SMARCC2: variants seen among roughly 807,000 people sequenced by gnomAD.
The protein encoded by SMARCC2 is SWI/SNF related BAF chromatin remodeling complex subunit C2.
A neutral mutation model predicts 151.3 loss-of-function variants in SMARCC2; 15 were observed. That is an observed-to-expected ratio of 0.10 (90% CI 0.07 to 0.15). The LOEUF (loss-of-function observed/expected upper bound fraction) is 0.15, where lower values mean the gene tolerates loss of function less well. SMARCC2 is among the 10% of genes least tolerant of loss of function. The pLI, the probability that SMARCC2 is intolerant of heterozygous loss-of-function variation, is 1.00. For synonymous variants in SMARCC2, 590 were observed against 609.5 expected, an observed-to-expected ratio of 0.97 and a Z score of 0.47; for missense variants, 1,031 against 1,599.7, an observed-to-expected ratio of 0.64 and a Z score of 6.06.
chr12:56,165,473 G>A lies in SMARCC2; in HGVS notation c.3077C>T (p.Pro1026Leu), dbSNP rs763895290. ...GLAVAPASVVPAPAGSGAPPG... is the reference protein window; with the variant it reads ...GLAVAPASVVLAPAGSGAPPG... Reference sequence around the variant, plus strand: ...AGGGGCCCCACTGCCAGCAGGAGCAGGGACTACAGAGGCTGGAGCCACAGC... The same window carrying A: ...AGGGGCCCCACTGCCAGCAGGAGCAAGGACTACAGAGGCTGGAGCCACAGC... The change falls in exon 27 of 29, where the codon CCT (proline) becomes CTT (leucine). Residue 1026 changes from proline to leucine, a missense_variant. By Grantham distance (98) the Pro-to-Leu change is moderately conservative (BLOSUM62 -3). Transcript: ENST00000550164. 1.3e-6 allele frequency: 2 copies of A among 1,554,150 alleles called. No homozygotes were observed. Among genetic ancestry groups the A allele is most frequent in the East Asian group, 4.5e-5 (2 of 44,136 alleles).
rs1250166795 is a variant in SMARCC2, at chr12:56,185,023, C to T, written c.399+7G>A. ...GAAGGGAGATAAATAGGGTATATGCCTATTACCTGCACCAAGGACTTCTCA... is the reference window on the plus strand; with the variant it reads ...GAAGGGAGATAAATAGGGTATATGCTTATTACCTGCACCAAGGACTTCTCA... On this transcript the variant is annotated splice_region_variant and intron_variant, in intron 4 of 28. Coordinates refer to ENST00000550164, the MANE Select transcript of SMARCC2 (RefSeq NM_001330288.2). The T allele has an allele frequency of 2.5e-5, 41 of 1,611,242 alleles. No homozygotes were observed. Among genetic ancestry groups the T allele is most frequent in the Non-Finnish European group, 3.4e-5 (40 of 1,177,548 alleles).
intron 26 of SMARCC2, among the ~76,000 whole-genome samples, chr12:56,166,340 C>T (rs778568174): frequency 1.3e-5 from 2 of 151,850 alleles, no homozygotes; most frequent in South Asian, 2.1e-4. Flanking sequence ...TTAGTAGAGA[C>T]GGGGTTTCAC....
intron 11 of SMARCC2, among the ~76,000 whole-genome samples, chr12:56,179,486 A>G (rs1875695756): frequency 6.6e-6 from 1 of 152,188 alleles, no homozygotes; most frequent in Non-Finnish European, 1.5e-5. Context: ...ATTGATGAGG[A>G]GGTAGAAGCC....
intron 1 of SMARCC2, 137 bp downstream of exon 1, chr12:56,189,214 G>A: frequency 2.6e-6 from 1 of 383,410 alleles, no homozygotes; most frequent in Non-Finnish European, 4.5e-6. Context: ...AGCGCAGGAG[G>A]GCGCGCGGGG....
At chr12:56,177,856 G>C (rs1206903514) in intron 15 of SMARCC2, among the ~76,000 whole-genome samples, 166 bp downstream of exon 15, 2 of 152,214 alleles carry the variant, frequency 1.3e-5, no homozygotes. Context: ...TACATGCTAG[G>C]CCAGGGCTGC....
At chr12:56,164,250 C>T (rs1348063274) in intron 28 of SMARCC2, 53 bp downstream of exon 28, 2 of 1,545,670 alleles carry the variant, frequency 1.3e-6, no homozygotes, top group Admixed American at 1.9e-5. Flanking sequence ...GCTCACCCTC[C>T]CTCCAGGTGG....
At chr12:56,179,633 G>GCA (rs1337386087) in intron 11 of SMARCC2, among the ~76,000 whole-genome samples, 1 of 152,168 alleles carries the variant, frequency 6.6e-6, no homozygotes, top group African/African-American at 2.4e-5. Context: ...AACATAGGAC[G>GCA]CAAAAGATGA....
At chr12:56,172,318 G>A in intron 20 of SMARCC2, 110 bp downstream of exon 20, 1 of 963,662 alleles carries the variant, frequency 1.0e-6, no homozygotes, top group East Asian at 2.5e-5. Context: ...CTGGACTCAA[G>A]TGATCCTCCT....
chr12:56,165,830 T>C (rs2135640736), intron 26 of SMARCC2, 131 bp from the exon 27 acceptor site: 1 of 887,336 alleles, frequency 1.1e-6, no homozygotes, highest in Non-Finnish European at 1.8e-6. Flanking sequence ...CTACATCTTG[T>C]GCTTGTGCTC....
rs568244646 is a variant in SMARCC2, at chr12:56,168,929, G to A, written c.2715+600C>T. ...TGGGAGGTGGAGGTTGCAGTGAGCC[G>A]AGATTGTGCCACTGCACTCCAGCCT... On this transcript the variant is annotated intron_variant, in intron 25 of 28. Coordinates refer to ENST00000550164, the MANE Select transcript of SMARCC2 (RefSeq NM_001330288.2). 6.6e-4 allele frequency among the ~76,000 whole-genome samples: 101 copies of A among 152,164 alleles called. 1 individual carries two copies. Among genetic ancestry groups the A allele is most frequent in the East Asian group, 5.7e-3 (29 of 5,130 alleles).
intron 22 of SMARCC2, among the ~76,000 whole-genome samples, chr12:56,170,880 G>A (rs897266757): frequency 1.3e-5 from 2 of 151,754 alleles, no homozygotes; most frequent in Non-Finnish European, 2.9e-5. Flanking sequence ...TTACAGGCAC[G>A]TGCCACCACG....
chr12:56,181,330 A>G, intron 10 of SMARCC2, 152 bp downstream of exon 10: 1 of 647,790 alleles, frequency 1.5e-6, no homozygotes, highest in Non-Finnish European at 2.7e-6. Context: ...TGAGCAGCTA[A>G]AGATCTCCTC....
rs1206712447 is a variant in SMARCC2, at chr12:56,172,626, G to A, written c.1822C>T (p.Leu608=). ...TTTTTTGTGTACATGTCTGTGCGCA[G>A]CCCAAAGTTTTGCATGTCTGTTGGT... is the stretch of plus-strand genomic sequence containing the variant. ...EKPTDMQNFG[L]RTDMYTKKNV... The change falls in exon 19 of 29, where the codon CTG becomes TTG. Residue 608 remains leucine (L), a synonymous_variant. Transcript: ENST00000550164. 3 of 1,614,112 alleles carry A rather than the reference G, an allele frequency of 1.9e-6. No individual in the cohort carries two copies. The highest frequency in any genetic ancestry group is 1.7e-5 in the Admixed American group (1 of 60,014).
chr12:56,187,579 T>G (rs1454879122), intron 1 of SMARCC2, among the ~76,000 whole-genome samples: 1 of 152,156 alleles, frequency 6.6e-6, no homozygotes, highest in Non-Finnish European at 1.5e-5. Context: ...AAATTGGAGT[T>G]GCAGGACCCT....
At chr12:56,172,907 G>T in intron 18 of SMARCC2, 30 bp downstream of exon 18, 1 of 1,607,556 alleles carries the variant, frequency 6.2e-7, no homozygotes, top group Non-Finnish European at 8.5e-7. Flanking sequence ...GGGAAAATGA[G>T]CAGCCCAGCA....
At chr12:56,183,112 T>C (rs1876559895) in intron 7 of SMARCC2, among the ~76,000 whole-genome samples, 1 of 151,522 alleles carries the variant, frequency 6.6e-6, no homozygotes, top group Admixed American at 6.6e-5. Context: ...AGTGCTGGGA[T>C]TATAGGCATT....
chr12:56,187,024 A>G (rs1362590029), intron 2 of SMARCC2, 163 bp downstream of exon 2: 3 of 617,960 alleles, frequency 4.9e-6, no homozygotes, highest in East Asian at 5.9e-5. Context: ...TAAACTGGAG[A>G]CTAGGCCAAG....
At chr12:56,176,802 G>A (rs184243195) in intron 15 of SMARCC2, among the ~76,000 whole-genome samples, 203 of 150,682 alleles carry the variant, frequency 1.3e-3, no homozygotes, top group East Asian at 6.6e-3. Flanking sequence ...CACCACGCCC[G>A]GCTAATTTTT....
At chr12:56,172,046 G>T in intron 20 of SMARCC2, 109 bp from the exon 21 acceptor site, 1 of 978,048 alleles carries the variant, frequency 1.0e-6, no homozygotes, top group Non-Finnish European at 1.5e-6. Flanking sequence ...CTATGTTCTG[G>T]TATTTGTGTA....
Sources: allele counts gnomAD v4.1 joint callset (sites outside exome capture counted in the v4.1 genomes callset), GRCh38; gene constraint gnomAD v4.1.1; transcripts MANE v1.5; gene names NCBI Gene and HGNC (gene_info 2026-07-23, HGNC 2026-07-21).